ZMIZ1: variants seen among roughly 807,000 people sequenced by gnomAD.
ZMIZ1 encodes the protein zinc finger MIZ domain-containing protein 1.
In ZMIZ1, 17 loss-of-function variants were observed where a neutral mutation model predicts 113.9. The ratio of observed to expected loss-of-function variants is 0.15; its 90% CI spans 0.10 to 0.22. ZMIZ1 has a LOEUF of 0.22. Among genes scored for constraint, ZMIZ1 ranks in the 10% least tolerant of loss-of-function variants. ZMIZ1 has a pLI of 1.00. For synonymous variants in ZMIZ1, 607 were observed against 603.1 expected (o/e 1.01, Z -0.09); for missense variants, 1,059 against 1,477.8 (o/e 0.72, Z 4.65).
In ZMIZ1 at chr10:79,088,957, G is replaced by A. The variant is rs550179233; in HGVS notation, c.-337+19687G>A. ...GCAGAGGAGGAAGCTGGAGTTCAGAGTGCTGAACTTGTTCAGCCTCCACAG... is the reference window on the plus strand; with the variant it reads ...GCAGAGGAGGAAGCTGGAGTTCAGAATGCTGAACTTGTTCAGCCTCCACAG... On this transcript the variant is annotated intron_variant, in intron 1 of 24. Transcript: ENST00000334512. Among the ~76,000 whole-genome samples, 104 of 152,336 alleles carry A rather than the reference G, an allele frequency of 6.8e-4. 2 individuals are homozygous for A. In the South Asian group the frequency reaches 0.02, roughly 30 times the overall value.
intron 2 of ZMIZ1, among the ~76,000 whole-genome samples, chr10:79,124,752 G>A (rs1207301555): frequency 6.6e-6 from 1 of 152,210 alleles, no homozygotes; most frequent in Non-Finnish European, 1.5e-5. Context: ...GAGTGGAAGA[G>A]TAGGGTCTTC....
chr10:79,147,293 C>T lies in ZMIZ1; in HGVS notation c.-131+7516C>T, dbSNP rs533261447. On this transcript the variant is annotated intron_variant, in intron 3 of 24. Coordinates refer to ENST00000334512, the MANE Select transcript of ZMIZ1 (RefSeq NM_020338.4). Reference sequence around the variant, plus strand: ...CCATCTGTCAAGAAAAGGCACAGAGCTTGATAACAGAGAACTCTCTCAGCC... The same window carrying T: ...CCATCTGTCAAGAAAAGGCACAGAGTTTGATAACAGAGAACTCTCTCAGCC... Among the ~76,000 whole-genome samples the T allele has an allele frequency of 4.6e-5, 7 of 152,310 alleles. No homozygotes were observed. In the South Asian group the frequency reaches 1.5e-3, roughly 32 times the overall value.
intron 5 of ZMIZ1, 142 bp from the exon 6 acceptor site, chr10:79,208,192 CTT>C: frequency 1.6e-6 from 1 of 640,148 alleles, no homozygotes; most frequent in East Asian, 2.8e-5. Context: ...CATGAGGAAA[CTT>C]ACTGATCCCA....
intron 4 of ZMIZ1, among the ~76,000 whole-genome samples, chr10:79,170,995 T>A (rs1846575962): frequency 6.6e-6 from 1 of 152,084 alleles, no homozygotes; most frequent in Non-Finnish European, 1.5e-5. Flanking sequence ...TGAACACTGG[T>A]CCCTTCTTGG....
intron 7 of ZMIZ1, among the ~76,000 whole-genome samples, chr10:79,225,854 G>A (rs7894333): frequency 3.9e-5 from 6 of 151,918 alleles, no homozygotes; most frequent in South Asian, 2.1e-4. Flanking sequence ...CCCAGCAGCC[G>A]TCTCATCCTC....
intron 7 of ZMIZ1, among the ~76,000 whole-genome samples, chr10:79,258,578 A>T (rs1851062336): frequency 6.6e-6 from 1 of 152,196 alleles, no homozygotes; most frequent in South Asian, 2.1e-4. Flanking sequence ...ATCCCATTTC[A>T]TAGGTGTGAA....
At chr10:79,131,642 CCCCCTCTGCTTCT>C (rs1176468128) in intron 2 of ZMIZ1, among the ~76,000 whole-genome samples, 1 of 152,112 alleles carries the variant, frequency 6.6e-6, no homozygotes, top group African/African-American at 2.4e-5. Context: ...CTCTGCATGG[CCCCCTCTGCTTCT>C]CCCCTGTGCT....
intron 4 of ZMIZ1, among the ~76,000 whole-genome samples, chr10:79,195,211 A>G (rs2132627428): frequency 6.6e-6 from 1 of 152,316 alleles, no homozygotes; most frequent in South Asian, 2.1e-4. Context: ...GGTATTTGAC[A>G]GGCTGCCAAA....
intron 5 of ZMIZ1, among the ~76,000 whole-genome samples, chr10:79,202,249 G>A (rs1589418095): frequency 7.5e-6 from 1 of 133,460 alleles, no homozygotes; most frequent in African/African-American, 2.8e-5. Flanking sequence ...GAGGGAGAAA[G>A]AAAGAAAAGA....
intron 16 of ZMIZ1, among the ~76,000 whole-genome samples, chr10:79,300,424 G>A (rs1049849956): frequency 2.0e-5 from 3 of 152,162 alleles, no homozygotes; most frequent in African/African-American, 7.2e-5. Flanking sequence ...TTGCCCCTCT[G>A]TCTCTGTCCT....
chr10:79,312,736 T>C lies in ZMIZ1; in HGVS notation c.3191T>C (p.Phe1064Ser). ...AGTAACGATGACCTCCTGTCTCTAT[T>C]TGAGAACAACTGAGGGCCACCCGGT... ...SNSNDDLLSL[F>S]ENN The change falls in exon 25 of 25, where the codon TTT becomes TCT. Residue 1064 changes from phenylalanine (F) to serine (S), a missense_variant. By Grantham distance (155) the Phe-to-Ser change is radical (BLOSUM62 -2). Coordinates refer to ENST00000334512, the MANE Select transcript of ZMIZ1 (RefSeq NM_020338.4). The C allele has an allele frequency of 6.2e-7, 1 of 1,614,200 alleles. No homozygotes were observed. Among genetic ancestry groups the C allele is most frequent in the Non-Finnish European group, 8.5e-7 (1 of 1,180,010 alleles).
intron 1 of ZMIZ1, among the ~76,000 whole-genome samples, chr10:79,071,904 A>G (rs1212065568): frequency 6.7e-6 from 1 of 148,810 alleles, no homozygotes; most frequent in Non-Finnish European, 1.5e-5. Context: ...GAGGTTTTGA[A>G]ACGCTGTTTT....
At chr10:79,142,106 G>A (rs945083662) in intron 3 of ZMIZ1, among the ~76,000 whole-genome samples, 3 of 152,206 alleles carry the variant, frequency 2.0e-5, no homozygotes, top group African/African-American at 7.2e-5. Context: ...GCCAGTGGTA[G>A]AAGGGAGGTG....
chr10:79,213,655 G>A (rs1848609293), intron 6 of ZMIZ1, among the ~76,000 whole-genome samples: 1 of 152,164 alleles, frequency 6.6e-6, no homozygotes. Context: ...TTGCCTTCCT[G>A]CCCTGAACCC....
At chr10:79,277,071 G>C in intron 7 of ZMIZ1, 110 bp from the exon 8 acceptor site, 1 of 1,362,092 alleles carries the variant, frequency 7.3e-7, no homozygotes, top group Non-Finnish European at 9.6e-7. Flanking sequence ...CACGAATCTG[G>C]GAGCAAAACC....
At chr10:79,254,297 G>A (rs1850739143) in intron 7 of ZMIZ1, among the ~76,000 whole-genome samples, 1 of 152,224 alleles carries the variant, frequency 6.6e-6, no homozygotes, top group Non-Finnish European at 1.5e-5. Context: ...GACCTGCAGG[G>A]TACTGGGGAT....
rs141842708 is a variant in ZMIZ1 at position 79,096,005 on chromosome 10, T to C, written c.-336-22910T>C. ...CCCCTCTGTTTTATAGGGGAGGTAA[T>C]TGAGCAGAACTTAGGACAGTTACAT... On this transcript the variant is annotated intron_variant, in intron 1 of 24. Transcript: ENST00000334512. 1.7e-3 allele frequency among the ~76,000 whole-genome samples: 259 copies of C among 152,258 alleles called. 1 individual carries two copies. The highest frequency in any genetic ancestry group is 6.0e-3 in the African/African-American group (251 of 41,544).
intron 2 of ZMIZ1, among the ~76,000 whole-genome samples, chr10:79,134,260 C>T (rs930824182): frequency 3.9e-5 from 6 of 152,306 alleles, no homozygotes; most frequent in African/African-American, 1.2e-4. Context: ...GAACCTGTGG[C>T]TCACTCACCG....
chr10:79,138,752 A>G (rs914359588), intron 2 of ZMIZ1, among the ~76,000 whole-genome samples: 3 of 152,226 alleles, frequency 2.0e-5, no homozygotes, highest in Non-Finnish European at 4.4e-5. Flanking sequence ...CTAGAATTAG[A>G]TAGTACCCAA....
Sources: allele counts gnomAD v4.1 joint callset (sites outside exome capture counted in the v4.1 genomes callset), GRCh38; gene constraint gnomAD v4.1.1; transcripts MANE v1.5; gene names NCBI Gene and HGNC (gene_info 2026-07-23, HGNC 2026-07-21).